Variants in TANGO6 observed in about 807,000 individuals in gnomAD.
TANGO6 encodes transport and golgi organization 6 homolog, also known as transport and Golgi organization protein 6 homolog.
Under a neutral mutation model 114.2 loss-of-function variants are expected in TANGO6, and 90 were observed. The ratio of observed to expected loss-of-function variants is 0.79; its 90% CI spans 0.66 to 0.94. The LOEUF is 0.94. Among genes scored for constraint, TANGO6 ranks in the 40% least tolerant of loss-of-function variants. The probability of loss-of-function intolerance (pLI) is 0.00; values close to 1 mark genes in which losing one functional copy is unlikely to be tolerated. For synonymous variants in TANGO6, 477 were observed against 509.8 expected (o/e 0.94, Z 0.87); for missense variants, 1,274 against 1,315.3 (o/e 0.97, Z 0.49).
At chr16:69,083,429 G>C in intron 17 of TANGO6, 56 bp from the exon 18 acceptor site, 1 of 1,546,538 alleles carries the variant, frequency 6.5e-7, no homozygotes, top group Admixed American at 1.9e-5. Flanking sequence ...CAGTTCAGTC[G>C]TACTGAGAAA....
In TANGO6 at chr16:69,063,781, T is replaced by TTTCTTCTTCTTCTTCTTCTTC. The variant is rs575958202; in HGVS notation, c.3109-19695_3109-19675dup. Among the ~76,000 whole-genome samples, 340 of 115,406 alleles carry TTTCTTCTTCTTCTTCTTCTTC rather than the reference T, an allele frequency of 2.9e-3. 1 individual carries two copies. The highest frequency in any genetic ancestry group is 0.012 in the Middle Eastern group (3 of 248). 75.7% of individuals were successfully genotyped at this position (115,406 alleles called of 152,430 possible). On this transcript the variant is annotated intron_variant, in intron 17 of 17. Coordinates refer to ENST00000261778, the MANE Select transcript of TANGO6 (RefSeq NM_024562.2). ...TCACTCTGGGCAGCGTAGCCATACT[T>TTTCTTCTTCTTCTTCTTCTTC]TTCTTCTTCTTCTTCTTCTTCTTCT... is the stretch of plus-strand genomic sequence containing the variant.
rs371209091 is a variant in TANGO6 at position 68,911,241 on chromosome 16, C to T, written c.1992+1839C>T. ...AGCTGAGACAACAGGTGCACACCACCGTGCCCAGCTTAAAACCCTGTAATA... is the reference window on the plus strand; with the variant it reads ...AGCTGAGACAACAGGTGCACACCACTGTGCCCAGCTTAAAACCCTGTAATA... On this transcript the variant is annotated intron_variant, in intron 11 of 17. Transcript: ENST00000261778. Among the ~76,000 whole-genome samples the T allele has an allele frequency of 6.6e-5, 10 of 151,960 alleles. 1 individual carries two copies. Among genetic ancestry groups the T allele is most frequent in the East Asian group, 1.9e-4 (1 of 5,150 alleles).
chr16:68,880,133 C>CGGGT (rs1321630414), intron 6 of TANGO6, among the ~76,000 whole-genome samples: 1 of 151,800 alleles, frequency 6.6e-6, no homozygotes. Context: ...CCACCACACC[C>CGGGT]GGCTAACTTC....
chr16:68,961,598 C>T (rs1367650334), intron 14 of TANGO6, among the ~76,000 whole-genome samples: 1 of 152,208 alleles, frequency 6.6e-6, no homozygotes, highest in Admixed American at 6.5e-5. Context: ...ATGGCTTCCA[C>T]TAAATATGGC....
intron 15 of TANGO6, among the ~76,000 whole-genome samples, chr16:69,015,464 T>TTTTATTTTATTTA (rs1555528109): frequency 2.1e-5 from 3 of 143,868 alleles, no homozygotes; most frequent in African/African-American, 5.1e-5. Flanking sequence ...GCTCATTTTA[T>TTTTATTTTATTTA]TTTATTTATT....
chr16:68,875,769 C>CAA (rs5817658), intron 5 of TANGO6, among the ~76,000 whole-genome samples: 5,324 of 113,346 alleles, frequency 0.047, 121 homozygotes, highest in East Asian at 0.089. Context: ...AACTCCGTCT[C>CAA]AAAAAAAAAA....
chr16:68,916,350 C>T lies in TANGO6; in HGVS notation c.1993-2735C>T, dbSNP rs142322753. On this transcript the variant is annotated intron_variant, in intron 11 of 17. Coordinates refer to ENST00000261778, the MANE Select transcript of TANGO6 (RefSeq NM_024562.2). ...TAGGAGCACAAACCCTGTTGTGAAC[C>T]GTGCATGCGAGGGATCTAGGTTGCG... 2.9e-3 allele frequency among the ~76,000 whole-genome samples: 444 copies of T among 152,174 alleles called. 5 individuals are homozygous for T. The highest frequency in any genetic ancestry group is 9.9e-3 in the African/African-American group (410 of 41,520).
chr16:68,930,434 C>T, intron 14 of TANGO6, 139 bp downstream of exon 14: 1 of 651,324 alleles, frequency 1.5e-6, no homozygotes, highest in Non-Finnish European at 2.7e-6. Context: ...AGCTAGGACA[C>T]TTTAAGTCAT....
chr16:69,053,484 A>G (rs1959986299), intron 17 of TANGO6, among the ~76,000 whole-genome samples: 1 of 152,132 alleles, frequency 6.6e-6, no homozygotes. Context: ...AAGTTTATAA[A>G]TCTCATAAAA....
rs1472095375 is a variant in TANGO6, at chr16:68,843,535, C to A, written c.-83C>A. ...GCCCCGCCCCATAGTGTGCCCAGAG[C>A]CTTCTGCCACACTTAACATGGCGGC... On this transcript the variant is annotated 5_prime_UTR_variant, in exon 1 of 18. Coordinates refer to ENST00000261778, the MANE Select transcript of TANGO6 (RefSeq NM_024562.2). 1.5e-6 allele frequency: 2 copies of A among 1,358,490 alleles called. No individual in the cohort carries two copies. Among genetic ancestry groups the A allele is most frequent in the East Asian group, 2.3e-5 (1 of 43,060 alleles). 84.2% of individuals were successfully genotyped at this position (1,358,490 alleles called of 1,614,324 possible).
chr16:68,931,677 G>A (rs1963241737), intron 14 of TANGO6, among the ~76,000 whole-genome samples: 1 of 152,184 alleles, frequency 6.6e-6, no homozygotes, highest in Non-Finnish European at 1.5e-5. Flanking sequence ...CCAGTTACAT[G>A]AAATATCCAG....
intron 7 of TANGO6, among the ~76,000 whole-genome samples, chr16:68,898,890 T>TA (rs771669185): frequency 2.6e-5 from 4 of 152,120 alleles, no homozygotes; most frequent in Admixed American, 6.5e-5. Flanking sequence ...CTATTGTGTT[T>TA]AATTGGAGTT....
intron 17 of TANGO6, among the ~76,000 whole-genome samples, chr16:69,061,774 C>T (rs1341848590): frequency 6.6e-6 from 1 of 152,134 alleles, no homozygotes; most frequent in Non-Finnish European, 1.5e-5. Context: ...AATCCCAGCA[C>T]TTTGGGAGGC....
chr16:68,992,178 A>G (rs1331733758), intron 15 of TANGO6, among the ~76,000 whole-genome samples: 1 of 152,182 alleles, frequency 6.6e-6, no homozygotes, highest in Admixed American at 6.5e-5. Flanking sequence ...GCCAGATATC[A>G]AAGTGGGGAG....
At chr16:69,067,535 AAAC>A (rs1960233818) in intron 17 of TANGO6, among the ~76,000 whole-genome samples, 1 of 147,174 alleles carries the variant, frequency 6.8e-6, no homozygotes, top group Admixed American at 6.8e-5. Flanking sequence ...AAAAAAAAAA[AAAC>A]GCTGGGCGCC....
intron 14 of TANGO6, among the ~76,000 whole-genome samples, chr16:68,946,861 C>T (rs1239972385): frequency 6.6e-6 from 1 of 152,038 alleles, no homozygotes; most frequent in Non-Finnish European, 1.5e-5. Context: ...TTGCCTAGCC[C>T]AAGATAATGA....
intron 17 of TANGO6, among the ~76,000 whole-genome samples, chr16:69,075,200 G>C (rs975437901): frequency 6.7e-6 from 1 of 150,154 alleles, no homozygotes; most frequent in African/African-American, 2.5e-5. Flanking sequence ...TAAGAGATGG[G>C]GTCTAAGTCT....
intron 17 of TANGO6, among the ~76,000 whole-genome samples, chr16:69,063,701 G>C (rs1184838594): frequency 7.0e-6 from 1 of 143,728 alleles, no homozygotes; most frequent in Non-Finnish European, 1.5e-5. Context: ...TTAATGAGTA[G>C]TGAGGATGGA....
Position 68,878,108 on chromosome 16 carries a change from T to G in TANGO6, c.1132-10T>G. On this transcript the variant is annotated splice_polypyrimidine_tract_variant and intron_variant, in intron 5 of 17. Transcript: ENST00000261778. ...AAAACTGGTATTTACTTCTTGTAGT[T>G]TTTTTGTAGGTTCTGGATTTATTTC... The G allele has an allele frequency of 6.2e-7, 1 of 1,601,268 alleles. No homozygotes were observed. The highest frequency in any genetic ancestry group is 1.1e-5 in the South Asian group (1 of 88,432).
Sources: allele counts gnomAD v4.1 joint callset (sites outside exome capture counted in the v4.1 genomes callset), GRCh38; gene constraint gnomAD v4.1.1; transcripts MANE v1.5; gene names NCBI Gene and HGNC (gene_info 2026-07-23, HGNC 2026-07-21).